Variants in WNT9B observed in about 807,000 individuals in gnomAD.
WNT9B encodes the protein protein Wnt-9b.
A neutral mutation model predicts 30.2 loss-of-function variants in WNT9B; 12 were observed. That is an observed-to-expected ratio of 0.40 (90% CI 0.26 to 0.64). The LOEUF is 0.64. Ranked by LOEUF, WNT9B falls within the 30% of genes least tolerant of loss-of-function variation. WNT9B has a pLI of 0.42. For missense variants in WNT9B, 442 were observed against 485.2 expected (o/e 0.91, Z 0.84); for synonymous variants, 218 against 216.9 (o/e 1.01, Z -0.05).
Position 46,878,950 on chromosome 17 carries a change from G to T in WNT9B, c.*2232G>T, listed in dbSNP as rs1442876590. Among the ~76,000 whole-genome samples the T allele has an allele frequency of 6.6e-6, 1 of 152,078 alleles. No individual in the cohort carries two copies. Among genetic ancestry groups the T allele is most frequent in the African/African-American group, 2.4e-5 (1 of 41,414 alleles). ...TGTCTCTCTCCCTCTCTTCTTCCTT[G>T]CTCTCATCCCTTTCTTTTCCAGTTA... On this transcript the variant is annotated 3_prime_UTR_variant, in exon 4 of 4. Transcript: ENST00000290015.
At chr17:46,849,931 T>C (rs1353930493), upstream of WNT9B, among the ~76,000 whole-genome samples, 1 of 149,882 alleles carries the variant, frequency 6.7e-6, no homozygotes, top group Admixed American at 6.8e-5. Context: ...CACTGCAACC[T>C]CCACCTCCCA....
rs537620775 is a variant in WNT9B at position 46,856,531 on chromosome 17, C to G, written c.77+4816C>G. Reference sequence around the variant, plus strand: ...ATGGAGTCTCACTATGTCGCCCAGGCTGGAATGCAGTGGTGCAATCTCGGC... The same window carrying G: ...ATGGAGTCTCACTATGTCGCCCAGGGTGGAATGCAGTGGTGCAATCTCGGC... On this transcript the variant is annotated intron_variant, in intron 1 of 3. Transcript: ENST00000290015. Among the ~76,000 whole-genome samples, 322 of 150,750 alleles carry G rather than the reference C, an allele frequency of 2.1e-3. 1 individual carries two copies. The highest frequency in any genetic ancestry group is 3.1e-3 in the Admixed American group (47 of 15,090).
At position 46,874,981 on chromosome 17, in the gene WNT9B, C is replaced by T. The variant is rs75063629; in HGVS notation, c.335-120C>T. On this transcript the variant is annotated intron_variant, in intron 2 of 3. Transcript: ENST00000290015. ...CTCAAGCCACATTCTCTTGTCCTGC[C>T]CATCACAGCGCTGCCACCACCGCCT... is the stretch of plus-strand genomic sequence containing the variant. 8.0e-3 allele frequency: 11,818 copies of T among 1,482,520 alleles called. 76 individuals carry two copies. The highest frequency in any genetic ancestry group is 9.1e-3 in the Non-Finnish European group (9,704 of 1,061,466). 91.8% of individuals were successfully genotyped at this position (1,482,520 alleles called of 1,614,324 possible).
At chr17:46,833,625 G>T (rs2084584889) in intron 1 of WNT9B, among the ~76,000 whole-genome samples, 1 of 152,080 alleles carries the variant, frequency 6.6e-6, no homozygotes, top group Admixed American at 6.5e-5. Flanking sequence ...AGTGAGTGAG[G>T]GTGTGTGTGA....
chr17:46,886,600 C>T (rs1377439804), exon 5 of WNT9B: 8 of 152,192 alleles, frequency 5.3e-5, no homozygotes, highest in Non-Finnish European at 1.2e-4. Context: ...TAAGCTGTAT[C>T]TACACCTCAC....
At chr17:46,847,128 A>G (rs2084785190), upstream of WNT9B, among the ~76,000 whole-genome samples, 1 of 152,202 alleles carries the variant, frequency 6.6e-6, no homozygotes, top group Non-Finnish European at 1.5e-5. Context: ...TTCTTACCCC[A>G]CACTCCCAAC....
intron 1 of WNT9B, among the ~76,000 whole-genome samples, chr17:46,856,618 G>A (rs978893428): frequency 1.3e-5 from 2 of 151,800 alleles, no homozygotes; most frequent in Admixed American, 6.6e-5. Flanking sequence ...CAAGTAGATG[G>A]GATGACAAGT....
upstream of WNT9B, chr17:46,851,569 G>T (rs1598836744): frequency 1.2e-6 from 1 of 866,928 alleles, no homozygotes; most frequent in East Asian, 3.6e-5. The surrounding 1 kb of genome is among the most constrained non-coding windows in gnomAD (Gnocchi z 4.3). Context: ...AGTCCCGCGG[G>T]CGGGTGGTGG....
At chr17:46,844,401 A>G (rs1034648346) in intron 1 of WNT9B, among the ~76,000 whole-genome samples, 2 of 151,448 alleles carry the variant, frequency 1.3e-5, no homozygotes, top group Non-Finnish European at 2.9e-5. Flanking sequence ...AAAGAAAAAC[A>G]TCTGGCTGGG....
intron 1 of WNT9B, among the ~76,000 whole-genome samples, chr17:46,835,446 C>T (rs897719420): frequency 5.9e-5 from 9 of 152,090 alleles, no homozygotes; most frequent in Admixed American, 4.6e-4. Flanking sequence ...CTCCTGACCT[C>T]GTGATCCACC....
chr17:46,872,811 A>T (rs2146601210), intron 2 of WNT9B, 38 bp downstream of exon 2: 1 of 1,492,912 alleles, frequency 6.7e-7, no homozygotes, highest in Admixed American at 1.8e-5. Context: ...GGGCTGGGGG[A>T]AGAAGCCTTC....
At chr17:46,862,163 CA>C (rs111407961) in intron 1 of WNT9B, among the ~76,000 whole-genome samples, 19,884 of 80,000 alleles carry the variant, frequency 0.25, 1,057 homozygotes, top group East Asian at 0.43. Flanking sequence ...AACTCCGTCT[CA>C]AAAAAAAAAA....
chr17:46,849,971 C>T (rs147960751), upstream of WNT9B, among the ~76,000 whole-genome samples: 1,568 of 152,218 alleles, frequency 0.01, 9 homozygotes, highest in Non-Finnish European at 0.016. Context: ...TCTCAGCCTC[C>T]TGAGTAGCTG....
intron 3 of WNT9B, among the ~76,000 whole-genome samples, chr17:46,875,884 A>G (rs2085336837): frequency 6.6e-6 from 1 of 152,310 alleles, no homozygotes; most frequent in South Asian, 2.1e-4. Flanking sequence ...GGGAGACACC[A>G]GTGCTCTAGC....
At chr17:46,868,313 T>A (rs936329463) in intron 1 of WNT9B, among the ~76,000 whole-genome samples, 1 of 152,154 alleles carries the variant, frequency 6.6e-6, no homozygotes, top group East Asian at 1.9e-4. Context: ...CATATTTGGC[T>A]GGGCGTGGTG....
rs954968821 is a variant in WNT9B, at chr17:46,876,993, G to C, written c.*275G>C. ...GAGGGCAGAGTGAGAAAGACATGGA[G>C]GGAAATAAGGGAGACCAAGAGCACA... On this transcript the variant is annotated 3_prime_UTR_variant, in exon 4 of 4. Coordinates refer to ENST00000290015, the MANE Select transcript of WNT9B (RefSeq NM_003396.3). 7 of 1,260,612 alleles carry C rather than the reference G, an allele frequency of 5.6e-6. No homozygotes were observed. Among genetic ancestry groups the C allele is most frequent in the African/African-American group, 1.5e-5 (1 of 66,082 alleles). The allele number at this position is 1,260,612 out of a possible 1,614,324, so 78.1% of individuals were successfully genotyped here.
In WNT9B at chr17:46,877,186, C is replaced by T. The variant is rs143148960; in HGVS notation, c.*468C>T. ...GGGAGCCTGGCTGAGATGGGTCAAT[C>T]GGGTCCTGTGGCCCTGCTCAGGTGC... On this transcript the variant is annotated 3_prime_UTR_variant, in exon 4 of 4. Transcript: ENST00000290015. The T allele has an allele frequency of 5.1e-4, 332 of 650,736 alleles. 2 individuals are homozygous for T. In the African/African-American group the frequency reaches 6.0e-3, roughly 12 times the overall value. The allele number at this position is 650,736 out of a possible 1,614,324, so 40.3% of individuals were successfully genotyped here. A position where few individuals can be genotyped will look rare whatever the true frequency, so the allele number is the denominator to read the frequency against.
intron 1 of WNT9B, among the ~76,000 whole-genome samples, chr17:46,836,064 CT>C (rs759797811): frequency 2.8e-5 from 4 of 143,506 alleles, no homozygotes; most frequent in Non-Finnish European, 6.0e-5. Flanking sequence ...CCTGCTGGGG[CT>C]CCCAGGAACA....
At chr17:46,861,519 G>A (rs2085037724) in intron 1 of WNT9B, among the ~76,000 whole-genome samples, 1 of 152,120 alleles carries the variant, frequency 6.6e-6, no homozygotes, top group South Asian at 2.1e-4. Flanking sequence ...TGGGAGCCAT[G>A]GCCTGGCTTC....
Sources: allele counts gnomAD v4.1 joint callset (sites outside exome capture counted in the v4.1 genomes callset), GRCh38; gene constraint gnomAD v4.1.1; non-coding constraint Gnocchi (gnomAD v3.1); transcripts MANE v1.5; gene names NCBI Gene and HGNC (gene_info 2026-07-23, HGNC 2026-07-21).